Variants in NKX2-2 observed in about 807,000 individuals in gnomAD.
The protein encoded by NKX2-2 is homeobox protein Nkx-2.2.
Under a neutral mutation model 24.6 loss-of-function variants are expected in NKX2-2, and 8 were observed. The observed-to-expected ratio is 0.32, with a 90% CI of 0.19 to 0.59. The LOEUF is 0.59. NKX2-2 is among the 20% of genes least tolerant of loss of function. The pLI is 0.86. For missense variants in NKX2-2, 381 were observed against 373.9 expected (o/e 1.02, Z -0.16); for synonymous variants, 217 against 173.3 (o/e 1.25, Z -1.98).
chr20:21,518,143 T>C (rs556083104), upstream of NKX2-2, among the ~76,000 whole-genome samples: 1 of 152,244 alleles, frequency 6.6e-6, no homozygotes, highest in East Asian at 1.9e-4. Context: ...GCTGCATGCT[T>C]GGGGAGGAAG....
At chr20:21,521,970 G>A in the NKX2-2 span, among the ~76,000 whole-genome samples, 22 of 152,210 alleles carry the variant, frequency 1.4e-4, 1 homozygote, top group Non-Finnish European at 1.3e-4. Flanking sequence ...GACCGCCGCG[G>A]GTGCCGCGCC....
Position 21,512,602 on chromosome 20 carries a change from C to G in NKX2-2, c.260-117G>C, listed in dbSNP as rs1000495673. 6.5e-6 allele frequency: 5 copies of G among 768,776 alleles called. No individual in the cohort carries two copies. In the African/African-American group the frequency reaches 8.8e-5, roughly 13 times the overall value. The allele number at this position is 768,776 out of a possible 1,614,324, so 47.6% of individuals were successfully genotyped here. On this transcript the variant is annotated intron_variant, in intron 1 of 1. Transcript: ENST00000377142. ...CCCTGGACCTCCGCGCCTGGCAGCCCAGCCCCGCTGCCTTTGCCATGACCC... is the reference window on the plus strand; with the variant it reads ...CCCTGGACCTCCGCGCCTGGCAGCCGAGCCCCGCTGCCTTTGCCATGACCC...
the NKX2-2 span, among the ~76,000 whole-genome samples, chr20:21,521,608 G>A: frequency 6.6e-6 from 1 of 152,178 alleles, no homozygotes; most frequent in African/African-American, 2.4e-5. Flanking sequence ...TGTCTCCACT[G>A]GGCGCCATCT....
chr20:21,522,375 G>T, the NKX2-2 span, among the ~76,000 whole-genome samples: 1 of 152,176 alleles, frequency 6.6e-6, no homozygotes, highest in Admixed American at 6.5e-5. Context: ...CGGTGACCGT[G>T]CCCGGAGCGC....
chr20:21,517,979 C>T (rs1446429158), upstream of NKX2-2, among the ~76,000 whole-genome samples: 8 of 152,222 alleles, frequency 5.3e-5, no homozygotes, highest in Admixed American at 1.3e-4. Context: ...TCCTGGTCTC[C>T]CCCACTCGGC....
chr20:21,521,926 C>G, the NKX2-2 span, among the ~76,000 whole-genome samples: 1 of 152,220 alleles, frequency 6.6e-6, no homozygotes, highest in Non-Finnish European at 1.5e-5. Flanking sequence ...CACCGCGCGC[C>G]CTACCAGGCG....
chr20:21,512,511 C>T (rs772448677), intron 1 of NKX2-2, 26 bp from the exon 2 acceptor site: 14 of 1,500,838 alleles, frequency 9.3e-6, no homozygotes, highest in Non-Finnish European at 1.2e-5. Flanking sequence ...GAGAGAAGCG[C>T]GTCAGGCGTC....
chr20:21,516,531 G>C (rs1317876731), upstream of NKX2-2, among the ~76,000 whole-genome samples: 1 of 152,052 alleles, frequency 6.6e-6, no homozygotes, highest in Non-Finnish European at 1.5e-5. Flanking sequence ...CGTCGAGTTT[G>C]GATCCAGGGG....
the NKX2-2 span, among the ~76,000 whole-genome samples, chr20:21,519,914 T>C: frequency 3.9e-5 from 6 of 151,960 alleles, no homozygotes; most frequent in Non-Finnish European, 8.8e-5. Context: ...CAGGAGAGAC[T>C]CACAGCCATT....
chr20:21,521,703 GAGGTGGGTGC>G, the NKX2-2 span, among the ~76,000 whole-genome samples: 4 of 152,212 alleles, frequency 2.6e-5, no homozygotes, highest in African/African-American at 9.6e-5. Flanking sequence ...TTACCCGGTG[GAGGTGGGTGC>G]AGCGGCCGCC....
Position 21,512,318 on chromosome 20 carries a change from G to A in NKX2-2, c.427C>T (p.Leu143=). The A allele has an allele frequency of 6.2e-7, 1 of 1,613,456 alleles. No homozygotes were observed. Among genetic ancestry groups the A allele is most frequent in the Non-Finnish European group, 8.5e-7 (1 of 1,179,844 alleles). ...VLFSKAQTYE[L]ERRFRQQRYL... ...CGCTGCTGCCGAAAGCGCCGCTCCA[G>A]CTCGTAGGTCTGCGCCTTGGAGAAA... The change falls in exon 2 of 2, where the codon CTG becomes TTG. Residue 143 remains leucine (L), a synonymous_variant. Transcript: ENST00000377142.
the NKX2-2 span, among the ~76,000 whole-genome samples, chr20:21,521,232 C>G: frequency 6.6e-6 from 1 of 152,092 alleles, no homozygotes; most frequent in Admixed American, 6.5e-5. Flanking sequence ...CCCTTTCCAC[C>G]CCCAAGAGCC....
upstream of NKX2-2, among the ~76,000 whole-genome samples, chr20:21,514,954 C>T (rs922009053): frequency 1.3e-5 from 2 of 152,200 alleles, no homozygotes; most frequent in Non-Finnish European, 2.9e-5. Context: ...ATTTCCTTCA[C>T]TCCGCCTCCC....
upstream of NKX2-2, among the ~76,000 whole-genome samples, chr20:21,517,138 C>T (rs1980660169): frequency 6.6e-6 from 1 of 152,154 alleles, no homozygotes; most frequent in African/African-American, 2.4e-5. Context: ...TCTCAAAGGT[C>T]GGGTTTGCCT....
At position 21,513,297 on chromosome 20, in the gene NKX2-2, G is replaced by T; in HGVS notation, c.259+114C>A. 2 of 1,147,476 alleles carry T rather than the reference G, an allele frequency of 1.7e-6. No homozygotes were observed. Among genetic ancestry groups the T allele is most frequent in the Non-Finnish European group, 2.4e-6 (2 of 835,162 alleles). 71.1% of individuals were successfully genotyped at this position (1,147,476 alleles called of 1,614,324 possible). On this transcript the variant is annotated intron_variant, in intron 1 of 1. Transcript: ENST00000377142. This position sits in a 1 kb window ranked among gnomAD's most constrained non-coding sequence, Gnocchi z 4.6. ...TAAAAATCTTTCTACGGATCCGAGT[G>T]AGGGGGTCCGGGCTTACATGGCCCC...
chr20:21,518,833 C>A (rs1164260159), upstream of NKX2-2, among the ~76,000 whole-genome samples: 1 of 152,216 alleles, frequency 6.6e-6, no homozygotes, highest in Non-Finnish European at 1.5e-5. Context: ...CGGAGGGGAG[C>A]CTTTCTTGTG....
chr20:21,515,251 G>A (rs559072809), upstream of NKX2-2, among the ~76,000 whole-genome samples: 553 of 152,034 alleles, frequency 3.6e-3, no homozygotes, highest in Middle Eastern at 0.024. Flanking sequence ...GCGGGAAGGC[G>A]GCGGGGCGGG....
upstream of NKX2-2, among the ~76,000 whole-genome samples, chr20:21,515,769 G>T (rs538099080): frequency 5.3e-5 from 8 of 152,236 alleles, no homozygotes; most frequent in South Asian, 1.7e-3. Context: ...AGCTGAGCGC[G>T]CGGGCACCGG....
rs756785850 is a variant in NKX2-2 at position 21,513,398 on chromosome 20, T to C, written c.259+13A>G. 8 of 1,515,192 alleles carry C rather than the reference T, an allele frequency of 5.3e-6. No individual in the cohort carries two copies. Among genetic ancestry groups the C allele is most frequent in the Non-Finnish European group, 7.1e-6 (8 of 1,130,272 alleles). 93.9% of individuals were successfully genotyped at this position (1,515,192 alleles called of 1,614,324 possible). ...GGGGACCACGGCCTCGGCAGCCAAG[T>C]TTTGCTACTTACGGGAGTACTGAAG... On this transcript the variant is annotated intron_variant, in intron 1 of 1. Transcript: ENST00000377142. The surrounding 1 kb of genome is among the most constrained non-coding windows in gnomAD (Gnocchi z 4.6).
Sources: allele counts gnomAD v4.1 joint callset (sites outside exome capture counted in the v4.1 genomes callset), GRCh38; gene constraint gnomAD v4.1.1; non-coding constraint Gnocchi (gnomAD v3.1); transcripts MANE v1.5; gene names NCBI Gene and HGNC (gene_info 2026-07-23, HGNC 2026-07-21).